ACSBG2: variants seen among roughly 807,000 people sequenced by gnomAD.
ACSBG2 encodes the protein long-chain-fatty-acid--CoA ligase ACSBG2.
ACSBG2 carries 62 observed loss-of-function variants against 74.7 expected under a neutral mutation model. That is an observed-to-expected ratio of 0.83 (90% CI 0.68 to 1.03). The LOEUF is 1.03. Among genes scored for constraint, ACSBG2 ranks in the 50% least tolerant of loss-of-function variants. The pLI is 0.00. For synonymous variants in ACSBG2, 309 were observed against 294.1 expected (o/e 1.05, Z -0.52); for missense variants, 730 against 817.6 (o/e 0.89, Z 1.31).
chr19:6,163,121 A>AAATAATAATAATAATAAT (rs71917482), intron 6 of ACSBG2, among the ~76,000 whole-genome samples: 1 of 122,848 alleles, frequency 8.1e-6, no homozygotes, highest in African/African-American at 2.9e-5. Flanking sequence ...CTAAAAATAC[A>AAATAATAATAATAATAAT]AATAATAATA....
chr19:6,162,403 G>C (rs536753059), intron 6 of ACSBG2, among the ~76,000 whole-genome samples: 1 of 150,242 alleles, frequency 6.7e-6, no homozygotes, highest in East Asian at 2.0e-4. Flanking sequence ...CGTCTCTATT[G>C]AAAATACAAA....
In ACSBG2 at chr19:6,187,316, C is replaced by T; in HGVS notation, c.1574C>T (p.Pro525Leu). The T allele has an allele frequency of 6.2e-7, 1 of 1,614,056 alleles. No individual in the cohort carries two copies. The highest frequency in any genetic ancestry group is 8.5e-7 in the Non-Finnish European group (1 of 1,179,996). The part of the protein sequence containing the change: ...ILITAGGENV[P>L]PIPVETLVKK... ...ATCACTGCTGGTGGTGAAAATGTGC[C>T]CCCCATTCCTGTTGAGACCTTGGTT... Residue 525 changes from proline (P) to leucine (L), a missense_variant, in exon 12 of 15, where the codon CCC becomes CTC. Transcript: ENST00000588485.
chr19:6,165,244 T>C (rs1049728708), intron 6 of ACSBG2, among the ~76,000 whole-genome samples: 1 of 152,180 alleles, frequency 6.6e-6, no homozygotes, highest in African/African-American at 2.4e-5. Context: ...CCTGAGATGG[T>C]TCAGCAGCTC....
chr19:6,156,786 A>G (rs115943792), intron 5 of ACSBG2, among the ~76,000 whole-genome samples: 37 of 128,558 alleles, frequency 2.9e-4, no homozygotes, highest in African/African-American at 9.7e-4. Flanking sequence ...CTCAGCCTCC[A>G]TTTTTTTTTT....
chr19:6,191,793 C>T (rs911703269), intron 14 of ACSBG2: 4 of 152,174 alleles, frequency 2.6e-5, no homozygotes, highest in African/African-American at 4.8e-5. Flanking sequence ...CTTTGTTCAA[C>T]GTTAACTGGT....
intron 2 of ACSBG2, among the ~76,000 whole-genome samples, chr19:6,142,945 G>A (rs543545852): frequency 3.3e-5 from 5 of 152,082 alleles, no homozygotes; most frequent in Middle Eastern, 3.4e-3. Flanking sequence ...AAAACTGGCC[G>A]GGCACAGTTC....
chr19:6,184,431 T>TTAAA, intron 10 of ACSBG2, among the ~76,000 whole-genome samples: 1 of 152,226 alleles, frequency 6.6e-6, no homozygotes, highest in Admixed American at 6.5e-5. Flanking sequence ...AAGGCAGCTC[T>TTAAA]TTGTAAGTTT....
chr19:6,152,383 C>T (rs1377262737), intron 4 of ACSBG2, among the ~76,000 whole-genome samples: 2 of 59,658 alleles, frequency 3.4e-5, no homozygotes, highest in African/African-American at 9.5e-5. Context: ...CTCCGCTTCC[C>T]GGGTTCACGC....
Position 6,141,494 on chromosome 19 carries a change from C to T in ACSBG2, c.-31-19C>T. On this transcript the variant is annotated intron_variant, in intron 1 of 14. Transcript: ENST00000588485. The stretch of plus-strand genomic sequence containing the variant: ...CCCTTTGCCAATCCTGTTAAACTCC[C>T]TGCTTTTTTGCTTTGCAGTGCTGTG... 1 of 1,305,162 alleles carries T rather than the reference C, an allele frequency of 7.7e-7. No individual in the cohort carries two copies. Among genetic ancestry groups the T allele is most frequent in the South Asian group, 1.2e-5 (1 of 84,852 alleles). 80.8% of individuals were successfully genotyped at this position (1,305,162 alleles called of 1,614,324 possible). A position where few individuals can be genotyped will look rare whatever the true frequency, so the allele number is the denominator to read the frequency against.
chr19:6,140,803 G>C (rs982872399), intron 1 of ACSBG2, among the ~76,000 whole-genome samples: 1 of 151,834 alleles, frequency 6.6e-6, no homozygotes, highest in African/African-American at 2.4e-5. Context: ...CAGCTTTTTT[G>C]ATCTTACTTA....
At chr19:6,167,370 G>A (rs2089839059) in intron 7 of ACSBG2, among the ~76,000 whole-genome samples, 1 of 152,162 alleles carries the variant, frequency 6.6e-6, no homozygotes, top group South Asian at 2.1e-4. Flanking sequence ...AGAGGGCCTG[G>A]CCCATGGAAG....
intron 1 of ACSBG2, among the ~76,000 whole-genome samples, chr19:6,136,687 A>G (rs2088584418): frequency 1.3e-5 from 2 of 152,152 alleles, no homozygotes; most frequent in South Asian, 2.1e-4. Context: ...TAAAATTGTG[A>G]AACATATAAT....
At chr19:6,146,968 G>C (rs2089056317) in intron 2 of ACSBG2, among the ~76,000 whole-genome samples, 1 of 152,092 alleles carries the variant, frequency 6.6e-6, no homozygotes, top group Non-Finnish European at 1.5e-5. Flanking sequence ...AGGCATGGTG[G>C]TGTTTGCCTG....
At chr19:6,169,875 C>T (rs2089915776) in intron 7 of ACSBG2, among the ~76,000 whole-genome samples, 1 of 152,052 alleles carries the variant, frequency 6.6e-6, no homozygotes, top group African/African-American at 2.4e-5. Context: ...ATTTGGTTTT[C>T]AACTTTAAGA....
At chr19:6,159,502 A>G (rs2089536872) in intron 5 of ACSBG2, among the ~76,000 whole-genome samples, 1 of 152,170 alleles carries the variant, frequency 6.6e-6, no homozygotes, top group South Asian at 2.1e-4. Flanking sequence ...GCATTAAGTG[A>G]ATAAAGCAAT....
chr19:6,167,543 A>G (rs564721878), intron 7 of ACSBG2, among the ~76,000 whole-genome samples: 4 of 152,310 alleles, frequency 2.6e-5, no homozygotes, highest in East Asian at 1.9e-4. Flanking sequence ...TCATTTTAAC[A>G]TGAATCCAAA....
chr19:6,158,437 T>TA (rs1255921057), intron 5 of ACSBG2, among the ~76,000 whole-genome samples: 2 of 146,690 alleles, frequency 1.4e-5, no homozygotes, highest in South Asian at 2.1e-4. Context: ...GCTGCTGTCT[T>TA]ACGTTTTTTT....
chr19:6,143,085 T>C (rs111763272), intron 2 of ACSBG2, among the ~76,000 whole-genome samples: 5,488 of 152,188 alleles, frequency 0.036, 200 homozygotes, highest in African/African-American at 0.099. Context: ...CCAGGTGTGG[T>C]GGCACATGCC....
chr19:6,155,269 C>A (rs111935005), intron 4 of ACSBG2, among the ~76,000 whole-genome samples: 3,485 of 152,128 alleles, frequency 0.023, 51 homozygotes, highest in South Asian at 0.054. Context: ...AGCCCTGATC[C>A]CTACCTCACA....
Sources: allele counts gnomAD v4.1 joint callset (sites outside exome capture counted in the v4.1 genomes callset), GRCh38; gene constraint gnomAD v4.1.1; transcripts MANE v1.5; gene names NCBI Gene and HGNC (gene_info 2026-07-23, HGNC 2026-07-21).